EED: variants seen among roughly 807,000 people sequenced by gnomAD.
The protein encoded by EED is polycomb protein EED.
Under a neutral mutation model 61.0 loss-of-function variants are expected in EED, and 9 were observed. The ratio of observed to expected loss-of-function variants is 0.15; its 90% CI spans 0.09 to 0.26. The LOEUF is 0.26. EED is among the 10% of genes least tolerant of loss of function. The pLI is 1.00. For synonymous variants in EED, 187 were observed against 174.4 expected, an observed-to-expected ratio of 1.07 and a Z score of -0.57; for missense variants, 315 against 542.3, an observed-to-expected ratio of 0.58 and a Z score of 4.16.
At chr11:86,276,926 T>A in intron 9 of EED, 54 bp from the exon 10 acceptor site, 1 of 1,399,902 alleles carries the variant, frequency 7.1e-7, no homozygotes, top group Non-Finnish European at 9.4e-7. Flanking sequence ...TTTTACTTTG[T>A]AAGATTCAGT....
Position 86,266,190 on chromosome 11 carries a change from T to C in EED, c.834T>C (p.Tyr278=). Residue 278 remains tyrosine, a synonymous_variant, in exon 8 of 12, where the codon TAT becomes TAC. Transcript: ENST00000263360. ...KRMMNAIKES[Y]DYNPNKTNRP... ...TGATGAATGCAATTAAGGAATCTTA[T>C]GATTATAATCCAAATAAAACTAACA... is the stretch of plus-strand genomic sequence containing the variant. 2 of 1,602,090 alleles carry C rather than the reference T, an allele frequency of 1.2e-6. No individual in the cohort carries two copies. The highest frequency in any genetic ancestry group is 1.7e-6 in the Non-Finnish European group (2 of 1,172,234).
intron 9 of EED, among the ~76,000 whole-genome samples, chr11:86,274,814 T>G (rs1267162177): frequency 6.6e-6 from 1 of 152,182 alleles, no homozygotes; most frequent in Non-Finnish European, 1.5e-5. Flanking sequence ...AGGAGGCGGG[T>G]CACCCCATTG....
Position 86,244,837 on chromosome 11 carries a change from A to C in EED, c.-393A>C. ...GGCTGAAACGTCTTTGGAAGGAGGA[A>C]GGGGGTGAGGGAGCATCCCTTTGAG... On this transcript the variant is annotated 5_prime_UTR_variant, in exon 1 of 12. Coordinates refer to ENST00000263360, the MANE Select transcript of EED (RefSeq NM_003797.5). 1.3e-5 allele frequency: 3 copies of C among 238,920 alleles called. No individual in the cohort carries two copies. The allele number at this position is 238,920 out of a possible 1,614,324, so 14.8% of individuals were successfully genotyped here. A position where few individuals can be genotyped will look rare whatever the true frequency, so the allele number is the denominator to read the frequency against.
In EED at chr11:86,254,048, C is replaced by CAAAAAAAAAAAAA. The variant is rs201298345; in HGVS notation, c.361-1159_361-1147dup. The stretch of plus-strand genomic sequence containing the variant: ...GGACGACAAGAGTGAAACTCTGTCT[C>CAAAAAAAAAAAAA]AAAAAAAAAAAAAAAAAAAAAAAAA... On this transcript the variant is annotated intron_variant, in intron 3 of 11. Transcript: ENST00000263360. 1.3e-3 allele frequency among the ~76,000 whole-genome samples: 74 copies of CAAAAAAAAAAAAA among 56,318 alleles called. 1 individual carries two copies. The highest frequency in any genetic ancestry group is 3.5e-3 in the East Asian group (5 of 1,432). The allele number at this position is 56,318 out of a possible 152,430, so 36.9% of individuals were successfully genotyped here. A position where few individuals can be genotyped will look rare whatever the true frequency, so the allele number is the denominator to read the frequency against.
intron 10 of EED, 196 bp from the exon 11 acceptor site, chr11:86,277,722 T>A (rs1406871760): frequency 5.4e-6 from 2 of 369,432 alleles, no homozygotes; most frequent in African/African-American, 2.1e-5. Context: ...TCTTACTTGC[T>A]CAAGACACTT....
At chr11:86,285,835 T>G in the EED span, among the ~76,000 whole-genome samples, 1 of 152,076 alleles carries the variant, frequency 6.6e-6, no homozygotes, top group Non-Finnish European at 1.5e-5. Flanking sequence ...TGACCTCAAG[T>G]GATCCAACCT....
At chr11:86,253,379 C>G (rs1313801042) in intron 3 of EED, among the ~76,000 whole-genome samples, 1 of 152,078 alleles carries the variant, frequency 6.6e-6, no homozygotes, top group Non-Finnish European at 1.5e-5. Flanking sequence ...CCACTGTAAA[C>G]CTAAGTTAAT....
chr11:86,282,533 C>T (rs1477103022), downstream of EED, among the ~76,000 whole-genome samples: 8 of 152,126 alleles, frequency 5.3e-5, no homozygotes, highest in Non-Finnish European at 8.8e-5. Context: ...CAGGCCAGTA[C>T]ACAAGTCTTT....
intron 9 of EED, among the ~76,000 whole-genome samples, chr11:86,271,589 C>T (rs530590144): frequency 6.6e-6 from 1 of 152,252 alleles, no homozygotes; most frequent in South Asian, 2.1e-4. Context: ...CAGTCTTTCA[C>T]AATTAAGTAT....
chr11:86,287,436 T>G, the EED span, among the ~76,000 whole-genome samples: 1 of 152,240 alleles, frequency 6.6e-6, no homozygotes, highest in Admixed American at 6.5e-5. Context: ...ATGGTTATTT[T>G]CTGATGTAGA....
intron 9 of EED, among the ~76,000 whole-genome samples, chr11:86,270,970 T>G (rs1249789394): frequency 6.6e-6 from 1 of 152,260 alleles, no homozygotes; most frequent in Non-Finnish European, 1.5e-5. Context: ...CTTTTATTTT[T>G]TTCATAATTG....
Position 86,252,255 on chromosome 11 carries a change from G to T in EED, c.360+15G>T, listed in dbSNP as rs777764492. ...GAAGCAACAGAGTGAGTGTTAAGGG[G>T]TCTATTTAGTATTTGGCTTGATTTC... On this transcript the variant is annotated intron_variant, in intron 3 of 11. Coordinates refer to ENST00000263360, the MANE Select transcript of EED (RefSeq NM_003797.5). 1 of 1,556,474 alleles carries T rather than the reference G, an allele frequency of 6.4e-7. No individual in the cohort carries two copies.
intron 6 of EED, among the ~76,000 whole-genome samples, chr11:86,262,591 C>A (rs1294868214): frequency 6.6e-6 from 1 of 152,108 alleles, no homozygotes; most frequent in African/African-American, 2.4e-5. Context: ...AAGGCCCTCA[C>A]CGGATGCCGG....
At chr11:86,249,829 C>T (rs752114623) in intron 1 of EED, among the ~76,000 whole-genome samples, 3 of 152,214 alleles carry the variant, frequency 2.0e-5, no homozygotes, top group East Asian at 1.9e-4. Context: ...CTGCTTCAAA[C>T]GGCTCCCCAG....
At chr11:86,249,597 C>G (rs1945475059) in intron 1 of EED, among the ~76,000 whole-genome samples, 1 of 152,062 alleles carries the variant, frequency 6.6e-6, no homozygotes, top group Non-Finnish European at 1.5e-5. Flanking sequence ...TTCCTGCAGT[C>G]ATTTCTTTTT....
intron 7 of EED, chr11:86,264,583 A>C (rs561337398): frequency 4.9e-6 from 1 of 203,594 alleles, no homozygotes; most frequent in Admixed American, 5.8e-5. Flanking sequence ...TATTAAAGAA[A>C]AAAATTAAAC....
At chr11:86,281,300 G>T (rs1946320390), downstream of EED, among the ~76,000 whole-genome samples, 1 of 152,182 alleles carries the variant, frequency 6.6e-6, no homozygotes, top group African/African-American at 2.4e-5. Context: ...GAGACTTGGT[G>T]TATTAACAGT....
intron 1 of EED, among the ~76,000 whole-genome samples, chr11:86,246,497 A>G (rs1045606275): frequency 1.3e-5 from 2 of 152,110 alleles, no homozygotes; most frequent in African/African-American, 2.4e-5. Flanking sequence ...CATGACTAAG[A>G]TTTTCACGGA....
At chr11:86,266,776 A>G (rs913357529) in intron 8 of EED, among the ~76,000 whole-genome samples, 3 of 152,114 alleles carry the variant, frequency 2.0e-5, no homozygotes, top group African/African-American at 4.8e-5. Flanking sequence ...TATATTTTTG[A>G]AATGTCTCAA....
Sources: allele counts gnomAD v4.1 joint callset (sites outside exome capture counted in the v4.1 genomes callset), GRCh38; gene constraint gnomAD v4.1.1; transcripts MANE v1.5; gene names NCBI Gene and HGNC (gene_info 2026-07-23, HGNC 2026-07-21).